The following DGLUCY variants were observed in gnomAD, a reference collection of about 807,000 sequenced individuals.
The protein encoded by DGLUCY is D-glutamate cyclase.
A neutral mutation model predicts 58.5 loss-of-function variants in DGLUCY; 58 were observed. That is an observed-to-expected ratio of 0.99 (90% CI 0.80 to 1.23). The LOEUF (loss-of-function observed/expected upper bound fraction) is 1.23, where lower values mean the gene tolerates loss of function less well. Ranked by LOEUF, DGLUCY falls within the 50% of genes most tolerant of loss-of-function variation. The pLI is 0.00. For missense variants in DGLUCY, 779 were observed against 784.7 expected, an observed-to-expected ratio of 0.99 and a Z score of 0.09; for synonymous variants, 325 against 314.1, an observed-to-expected ratio of 1.03 and a Z score of -0.37.
At chr14:91,127,053 C>CT (rs11407228) in intron 1 of DGLUCY, among the ~76,000 whole-genome samples, 64,685 of 97,688 alleles carry the variant, frequency 0.66, 22,478 homozygotes, top group East Asian at 0.88. Flanking sequence ...TGATGATACT[C>CT]TTTTTTTTTT....
chr14:91,199,643 A>G (rs1282464652), intron 10 of DGLUCY, 114 bp from the exon 11 acceptor site: 1 of 1,227,280 alleles, frequency 8.1e-7, no homozygotes, highest in African/African-American at 1.5e-5. Context: ...TGCAGGAATG[A>G]AGGAATCAAA....
intron 1 of DGLUCY, among the ~76,000 whole-genome samples, chr14:91,072,402 C>T (rs1486871032): frequency 3.3e-5 from 5 of 151,096 alleles, no homozygotes; most frequent in African/African-American, 7.3e-5. Flanking sequence ...TTTTTGTGTT[C>T]GTTTTTTCTT....
At chr14:91,068,369 A>T (rs1429515245) in intron 1 of DGLUCY, among the ~76,000 whole-genome samples, 1 of 152,198 alleles carries the variant, frequency 6.6e-6, no homozygotes, top group East Asian at 1.9e-4. Flanking sequence ...TCCAATTAAA[A>T]GATATAAAGA....
chr14:91,192,736 G>A (rs2049972944), intron 9 of DGLUCY, among the ~76,000 whole-genome samples: 1 of 152,174 alleles, frequency 6.6e-6, no homozygotes, highest in Non-Finnish European at 1.5e-5. Context: ...CCCTGACAGT[G>A]GAGGTTGCAG....
At chr14:91,205,526 A>G (rs1004350560) in intron 12 of DGLUCY, among the ~76,000 whole-genome samples, 14 of 152,168 alleles carry the variant, frequency 9.2e-5, no homozygotes, top group African/African-American at 3.4e-4. Context: ...AACCAGTGCT[A>G]GGGTGGGAAA....
At chr14:91,104,427 A>G (rs1176805308), upstream of DGLUCY, among the ~76,000 whole-genome samples, 1 of 152,118 alleles carries the variant, frequency 6.6e-6, no homozygotes, top group Non-Finnish European at 1.5e-5. Flanking sequence ...AGCAGAGGCC[A>G]GGGATACTGC....
intron 6 of DGLUCY, among the ~76,000 whole-genome samples, chr14:91,174,661 G>A (rs1255769588): frequency 6.6e-6 from 1 of 152,196 alleles, no homozygotes; most frequent in Non-Finnish European, 1.5e-5. Context: ...CTCAAGGTCT[G>A]TGAGCTGCTC....
chr14:91,101,484 C>G lies in DGLUCY; in HGVS notation c.-82+40780C>G, dbSNP rs142519015. 2.7e-4 allele frequency among the ~76,000 whole-genome samples: 41 copies of G among 152,356 alleles called. No individual in the cohort carries two copies. The East Asian group carries it at 7.7e-3, about 29-fold the overall frequency. The stretch of plus-strand genomic sequence containing the variant: ...CCAGCTGCCACACTGTGGAGATGCT[C>G]AGAAAGCAGGCATCCCTGATGCCCT... On this transcript the variant is annotated intron_variant, in intron 1 of 4. Transcript: ENST00000521334.
At chr14:91,186,496 T>A (rs1362198061) in intron 8 of DGLUCY, among the ~76,000 whole-genome samples, 1 of 152,108 alleles carries the variant, frequency 6.6e-6, no homozygotes, top group East Asian at 1.9e-4. Flanking sequence ...AGGTGATGGA[T>A]CAGGTGATCC....
intron 1 of DGLUCY, among the ~76,000 whole-genome samples, chr14:91,063,341 A>G (rs1385521171): frequency 6.6e-6 from 1 of 150,996 alleles, no homozygotes; most frequent in African/African-American, 2.4e-5. Flanking sequence ...TCCTATTGGT[A>G]TGATATATAA....
rs547925431 is a variant in DGLUCY, at chr14:91,196,791, G to A, written c.1295+317G>A. On this transcript the variant is annotated intron_variant, in intron 10 of 13. Transcript: ENST00000256324. ...AAAGTTTCTCAGTCTCAAACTGTGG[G>A]TCATGACATGTTAGAGAATAGTGAA... Among the ~76,000 whole-genome samples the A allele has an allele frequency of 4.7e-5, 7 of 149,952 alleles. No individual in the cohort carries two copies. In the South Asian group the frequency reaches 1.5e-3, roughly 32 times the overall value.
chr14:91,175,884 A>C (rs760125548), intron 6 of DGLUCY, 50 bp from the exon 7 acceptor site: 1 of 1,605,666 alleles, frequency 6.2e-7, no homozygotes, highest in South Asian at 1.1e-5. Flanking sequence ...AACCAGTTCT[A>C]ATTGGATGCT....
At chr14:91,145,745 T>C (rs2046982299) in intron 1 of DGLUCY, among the ~76,000 whole-genome samples, 1 of 152,184 alleles carries the variant, frequency 6.6e-6, no homozygotes, top group Non-Finnish European at 1.5e-5. Flanking sequence ...AAAGCTTTTT[T>C]GAAGCAGGTG....
At chr14:91,222,506 G>C (rs1447607530) in intron 13 of DGLUCY, among the ~76,000 whole-genome samples, 1 of 152,234 alleles carries the variant, frequency 6.6e-6, no homozygotes, top group Admixed American at 6.5e-5. Flanking sequence ...TAGCTCCTGA[G>C]AAGGAGCTGT....
chr14:91,187,326 A>G (rs2049585168), intron 8 of DGLUCY, among the ~76,000 whole-genome samples: 2 of 152,098 alleles, frequency 1.3e-5, no homozygotes, highest in Admixed American at 1.3e-4. Flanking sequence ...TTCTCCAGGC[A>G]CCTCAACTAT....
At chr14:91,165,225 G>C (rs1431637915) in intron 3 of DGLUCY, 3 of 455,710 alleles carry the variant, frequency 6.6e-6, no homozygotes, top group Non-Finnish European at 1.3e-5. Context: ...TTCTGTAACC[G>C]TAATTTTAAA....
At chr14:91,088,659 T>C (rs2044260479) in intron 1 of DGLUCY, among the ~76,000 whole-genome samples, 1 of 152,198 alleles carries the variant, frequency 6.6e-6, no homozygotes, top group Non-Finnish European at 1.5e-5. Flanking sequence ...AGGACCCTTT[T>C]CCATAGGGTT....
chr14:91,152,551 TA>T, intron 1 of DGLUCY, among the ~76,000 whole-genome samples: 1 of 152,354 alleles, frequency 6.6e-6, no homozygotes, highest in South Asian at 2.1e-4. Context: ...ATTTTTTAAA[TA>T]AAATGATTAT....
intron 9 of DGLUCY, among the ~76,000 whole-genome samples, chr14:91,194,126 AGC>A (rs1452666228): frequency 2.0e-5 from 3 of 152,208 alleles, no homozygotes; most frequent in Non-Finnish European, 4.4e-5. Context: ...TCCTTTACTT[AGC>A]ACTGACCGTG....
Sources: gnomAD v4.1 joint callset for allele counts (sites outside exome capture counted in the v4.1 genomes callset) on GRCh38, gnomAD v4.1.1 for gene constraint, MANE v1.5 for transcripts, NCBI Gene and HGNC (gene_info 2026-07-23, HGNC 2026-07-21) for gene names.